ZCCHC24: variants seen among roughly 807,000 people sequenced by gnomAD.
ZCCHC24 encodes zinc finger CCHC-type containing 24, also known as zinc finger CCHC domain-containing protein 24.
A neutral mutation model predicts 26.2 loss-of-function variants in ZCCHC24; 10 were observed. The observed-to-expected ratio is 0.38, with a 90% CI of 0.24 to 0.65. ZCCHC24 has a LOEUF of 0.65. ZCCHC24 is among the 30% of genes least tolerant of loss of function. The pLI, the probability that ZCCHC24 is intolerant of heterozygous loss-of-function variation, is 0.54. For missense variants in ZCCHC24, 243 were observed against 329.1 expected, an observed-to-expected ratio of 0.74 and a Z score of 2.03; for synonymous variants, 144 against 147.1, an observed-to-expected ratio of 0.98 and a Z score of 0.15.
At chr10:79,426,001 A>G (rs1406692651) in intron 2 of ZCCHC24, among the ~76,000 whole-genome samples, 1 of 152,170 alleles carries the variant, frequency 6.6e-6, no homozygotes, top group African/African-American at 2.4e-5. Context: ...CTTTGTTGAC[A>G]TTCAGAATTG....
chr10:79,392,138 C>T (rs1049556318), intron 3 of ZCCHC24, among the ~76,000 whole-genome samples: 1 of 152,074 alleles, frequency 6.6e-6, no homozygotes, highest in Non-Finnish European at 1.5e-5. Flanking sequence ...GGCCCACCCC[C>T]CAACCATCTG....
At chr10:79,422,484 G>A (rs1856957085) in intron 2 of ZCCHC24, among the ~76,000 whole-genome samples, 1 of 152,112 alleles carries the variant, frequency 6.6e-6, no homozygotes, top group African/African-American at 2.4e-5. Context: ...GAAGAAGGAG[G>A]ACTGGGCCAG....
At chr10:79,431,824 A>C (rs750317290) in intron 2 of ZCCHC24, among the ~76,000 whole-genome samples, 1 of 152,230 alleles carries the variant, frequency 6.6e-6, no homozygotes, top group Non-Finnish European at 1.5e-5. Context: ...AAAATCACTG[A>C]TAATCTCATG....
intron 2 of ZCCHC24, among the ~76,000 whole-genome samples, chr10:79,406,083 G>T (rs1197814082): frequency 6.6e-6 from 1 of 152,362 alleles, no homozygotes; most frequent in East Asian, 1.9e-4. Context: ...ACAGACCGGG[G>T]TGGAGAGTGC....
intron 2 of ZCCHC24, among the ~76,000 whole-genome samples, chr10:79,423,789 A>T (rs1427942663): frequency 2.0e-5 from 3 of 150,774 alleles, no homozygotes; most frequent in Non-Finnish European, 4.4e-5. Flanking sequence ...AGGCCAAGGC[A>T]GGCGGATCAC....
chr10:79,421,349 CT>C (rs540444687), intron 2 of ZCCHC24, among the ~76,000 whole-genome samples: 26 of 152,194 alleles, frequency 1.7e-4, no homozygotes, highest in Non-Finnish European at 3.2e-4. Context: ...CACCCATCCC[CT>C]GCTATGCCAT....
chr10:79,445,373 C>G lies in ZCCHC24; in HGVS notation c.68G>C (p.Trp23Ser). ...SVYQPAQLLN[W>S]VYLSLQDTHQ... ...CGTGTCCTGCAGCGACAGGTAGACC[C>G]AGTTGAGCAGCTGGGCGGGCTGGTA... Residue 23 changes from tryptophan (W) to serine (S), a missense_variant, in exon 1 of 4, where the codon TGG becomes TCG. Physicochemically the swap from Trp to Ser is radical, Grantham distance 177. This residue lies in a region of ZCCHC24 where 147 missense variants were observed against 150.8 expected (regional missense o/e 0.97). Transcript: ENST00000372336. The G allele has an allele frequency of 6.5e-7, 1 of 1,532,496 alleles. No homozygotes were observed. The allele number at this position is 1,532,496 out of a possible 1,614,324, so 94.9% of individuals were successfully genotyped here.
intron 2 of ZCCHC24, among the ~76,000 whole-genome samples, chr10:79,417,681 G>T (rs1221484694): frequency 1.3e-5 from 2 of 152,260 alleles, no homozygotes; most frequent in East Asian, 3.9e-4. Flanking sequence ...GGCCACAGAT[G>T]ACATCCAGGT....
chr10:79,392,936 G>A (rs1856498935), intron 3 of ZCCHC24, among the ~76,000 whole-genome samples: 1 of 152,140 alleles, frequency 6.6e-6, no homozygotes, highest in Admixed American at 6.5e-5. Context: ...CTCCTCTGTG[G>A]TCTCTATACC....
intron 2 of ZCCHC24, among the ~76,000 whole-genome samples, chr10:79,418,501 G>C (rs1856894500): frequency 6.6e-6 from 1 of 152,202 alleles, no homozygotes; most frequent in Non-Finnish European, 1.5e-5. Context: ...GGCTAGGCAC[G>C]ACTCACCAAG....
chr10:79,428,747 GAAGA>G (rs1267370119), intron 2 of ZCCHC24, among the ~76,000 whole-genome samples: 6 of 152,000 alleles, frequency 3.9e-5, no homozygotes, highest in Admixed American at 6.6e-5. Context: ...GATTAAACAA[GAAGA>G]AAGAGAGGAC....
intron 2 of ZCCHC24, among the ~76,000 whole-genome samples, chr10:79,429,650 C>G (rs561825212): frequency 3.9e-5 from 6 of 152,272 alleles, no homozygotes; most frequent in African/African-American, 1.4e-4. Flanking sequence ...ACAATGTTCT[C>G]TGATTGAGGT....
At chr10:79,403,511 G>A (rs768661860) in intron 2 of ZCCHC24, 34 of 985,356 alleles carry the variant, frequency 3.5e-5, no homozygotes, top group Admixed American at 6.1e-5. Flanking sequence ...CGGAGGCCCC[G>A]GAGGAAGCAG....
intron 2 of ZCCHC24, among the ~76,000 whole-genome samples, chr10:79,415,707 C>T (rs1856850236): frequency 6.6e-6 from 1 of 152,180 alleles, no homozygotes; most frequent in African/African-American, 2.4e-5. Context: ...ATGGTCTCAT[C>T]AGAGGTTGTT....
At chr10:79,422,740 G>A (rs1856964243) in intron 2 of ZCCHC24, among the ~76,000 whole-genome samples, 1 of 152,200 alleles carries the variant, frequency 6.6e-6, no homozygotes, top group East Asian at 1.9e-4. Context: ...CCTGGGCTCA[G>A]GCCCTCCCAG....
chr10:79,404,623 A>G (rs1258266090), intron 2 of ZCCHC24, among the ~76,000 whole-genome samples: 1 of 152,112 alleles, frequency 6.6e-6, no homozygotes, highest in Non-Finnish European at 1.5e-5. Flanking sequence ...GATCTTGCAC[A>G]TCCCTCTTTG....
chr10:79,417,893 C>T (rs1051346843), intron 2 of ZCCHC24, among the ~76,000 whole-genome samples: 5 of 152,158 alleles, frequency 3.3e-5, no homozygotes, highest in Admixed American at 1.3e-4. Context: ...CAAGTCAGGC[C>T]AGGTCAGTGG....
At chr10:79,406,273 C>T (rs901989374) in intron 2 of ZCCHC24, among the ~76,000 whole-genome samples, 1 of 152,194 alleles carries the variant, frequency 6.6e-6, no homozygotes, top group African/African-American at 2.4e-5. Flanking sequence ...CCAATTCCCT[C>T]CTTGCTGAGC....
rs1856384680 is a variant in ZCCHC24, at chr10:79,385,921, T to C, written c.*424A>G. On this transcript the variant is annotated 3_prime_UTR_variant, in exon 4 of 4. Transcript: ENST00000372336. This position sits in a 1 kb window ranked among gnomAD's most constrained non-coding sequence, Gnocchi z 4.3. ...TTTCCATACAGGGCAAACCGGAAGGTTCTGGGTGGGGGCAGGCGGCCTGGC... is the reference window on the plus strand; with the variant it reads ...TTTCCATACAGGGCAAACCGGAAGGCTCTGGGTGGGGGCAGGCGGCCTGGC... 6 of 404,946 alleles carry C rather than the reference T, an allele frequency of 1.5e-5. No homozygotes were observed. In the Admixed American group the frequency reaches 1.6e-4, roughly 11 times the overall value. 25.1% of individuals were successfully genotyped at this position (404,946 alleles called of 1,614,324 possible).
Sources: gnomAD v4.1 joint callset for allele counts (sites outside exome capture counted in the v4.1 genomes callset) on GRCh38, gnomAD v4.1.1 for gene constraint, gnomAD v4.1.1 regional missense constraint, Gnocchi (gnomAD v3.1) non-coding constraint, MANE v1.5 for transcripts, NCBI Gene and HGNC (gene_info 2026-07-23, HGNC 2026-07-21) for gene names.